The following ESRRB variants were observed in gnomAD, a reference collection of about 807,000 sequenced individuals.
ESRRB encodes steroid hormone receptor ERR2.
ESRRB carries 16 observed loss-of-function variants against 46.0 expected under a neutral mutation model. That is an observed-to-expected ratio of 0.35 (90% CI 0.24 to 0.53). ESRRB has a LOEUF of 0.53. ESRRB is among the 20% of genes least tolerant of loss of function. ESRRB has a pLI of 0.93. For missense variants in ESRRB, 488 were observed against 607.4 expected, an observed-to-expected ratio of 0.80 and a Z score of 2.07; for synonymous variants, 246 against 259.6, an observed-to-expected ratio of 0.95 and a Z score of 0.50.
chr14:76,376,320 C>T lies in ESRRB; in HGVS notation c.-82C>T. On this transcript the variant is annotated 5_prime_UTR_variant, in exon 1 of 7. Transcript: ENST00000644823. This position sits in a 1 kb window ranked among gnomAD's most constrained non-coding sequence, Gnocchi z 4.1. ...CACTGTGCCCTGCCCGGGCTCGCAC[C>T]TTGCCCGTGCCCTTCACTCGCTCTT... 1 of 1,106,434 alleles carries T rather than the reference C, an allele frequency of 9.0e-7. No individual in the cohort carries two copies. The highest frequency in any genetic ancestry group is 1.1e-6 in the Non-Finnish European group (1 of 873,606). The allele number at this position is 1,106,434 out of a possible 1,614,324, so 68.5% of individuals were successfully genotyped here.
intron 1 of ESRRB, among the ~76,000 whole-genome samples, chr14:76,350,669 C>G (rs891524482): frequency 3.9e-5 from 6 of 152,172 alleles, no homozygotes; most frequent in African/African-American, 1.4e-4. Flanking sequence ...CTCTGATGAG[C>G]CAGGTACAAT....
upstream of ESRRB, among the ~76,000 whole-genome samples, chr14:76,367,204 A>T (rs1884532316): frequency 6.6e-6 from 1 of 152,088 alleles, no homozygotes; most frequent in Non-Finnish European, 1.5e-5. Flanking sequence ...CCACCACTGC[A>T]TCCAGCCTCA....
At chr14:76,385,043 T>C (rs1048511503) in intron 1 of ESRRB, among the ~76,000 whole-genome samples, 1 of 152,194 alleles carries the variant, frequency 6.6e-6, no homozygotes, top group Non-Finnish European at 1.5e-5. Flanking sequence ...TACTTTAGAA[T>C]CCATCAATGC....
rs961678988 is a variant in ESRRB, at chr14:76,499,664, GCT to G, written c.*1211_*1212del. Reference sequence around the variant, plus strand: ...TCCCCTGGGCACCGCGAGCACGCCAGCTCTCTGGCAGGACCCCTGCAGTCCCC... The same window carrying G: ...TCCCCTGGGCACCGCGAGCACGCCAGCTCTGGCAGGACCCCTGCAGTCCCC... On this transcript the variant is annotated 3_prime_UTR_variant, in exon 7 of 7. Transcript: ENST00000644823. 31 of 648,548 alleles carry G rather than the reference GCT, an allele frequency of 4.8e-5. No homozygotes were observed. Among genetic ancestry groups the G allele is most frequent in the Admixed American group, 2.0e-4 (9 of 45,078 alleles). 40.2% of individuals were successfully genotyped at this position (648,548 alleles called of 1,614,324 possible).
At chr14:76,497,147 A>G (rs548640945) in intron 6 of ESRRB, among the ~76,000 whole-genome samples, 16 of 152,188 alleles carry the variant, frequency 1.1e-4, no homozygotes, top group African/African-American at 3.4e-4. Flanking sequence ...ACACTCTGTA[A>G]GTGGCCGAGA....
At chr14:76,377,020 C>T (rs918375426) in intron 1 of ESRRB, among the ~76,000 whole-genome samples, 2 of 152,210 alleles carry the variant, frequency 1.3e-5, no homozygotes, top group Non-Finnish European at 2.9e-5. Flanking sequence ...CGTGGCGCGG[C>T]GGATCCAGGG....
intron 2 of ESRRB, among the ~76,000 whole-genome samples, chr14:76,448,638 C>T (rs182271908): frequency 7.9e-5 from 12 of 152,056 alleles, no homozygotes; most frequent in African/African-American, 2.7e-4. Context: ...GCCCAGCCCA[C>T]ATTTACTTCG....
At chr14:76,457,755 C>T (rs773684633) in intron 2 of ESRRB, among the ~76,000 whole-genome samples, 10 of 152,174 alleles carry the variant, frequency 6.6e-5, no homozygotes, top group Non-Finnish European at 1.3e-4. Flanking sequence ...TCTCTGCAAC[C>T]TCTGCCTTCT....
chr14:76,460,868 A>AT (rs34134077), intron 2 of ESRRB, among the ~76,000 whole-genome samples: 1,586 of 143,806 alleles, frequency 0.011, 13 homozygotes, highest in Non-Finnish European at 0.015. Context: ...TGCCCAACTA[A>AT]TTTTTTTTTG....
intron 1 of ESRRB, among the ~76,000 whole-genome samples, chr14:76,379,711 C>T (rs930529436): frequency 1.4e-4 from 21 of 152,066 alleles, no homozygotes; most frequent in Admixed American, 9.2e-4. Flanking sequence ...TGGAGGGCCC[C>T]GGTCCCGGGT....
intron 1 of ESRRB, among the ~76,000 whole-genome samples, chr14:76,320,743 G>A (rs76246215): frequency 0.023 from 3,444 of 152,266 alleles, 118 homozygotes; most frequent in African/African-American, 0.078. Context: ...CATGGGTCAG[G>A]GGTGGTGGTT....
intron 1 of ESRRB, among the ~76,000 whole-genome samples, chr14:76,326,670 G>A (rs956818810): frequency 1.3e-5 from 2 of 152,206 alleles, no homozygotes; most frequent in Admixed American, 6.5e-5. Flanking sequence ...GAGTTTGGCT[G>A]TAGAAGTGGG....
intron 1 of ESRRB, among the ~76,000 whole-genome samples, chr14:76,426,767 A>G (rs778368229): frequency 2.0e-5 from 3 of 152,180 alleles, no homozygotes; most frequent in African/African-American, 7.2e-5. Flanking sequence ...ACACTGGATC[A>G]CACCTGTAAT....
At chr14:76,414,895 G>A (rs1426218536) in intron 1 of ESRRB, among the ~76,000 whole-genome samples, 1 of 152,064 alleles carries the variant, frequency 6.6e-6, no homozygotes, top group Non-Finnish European at 1.5e-5. Flanking sequence ...GCAAGTCCCC[G>A]GCCCTCTCAG....
At chr14:76,474,201 G>A (rs1197788412) in intron 3 of ESRRB, among the ~76,000 whole-genome samples, 8 of 152,304 alleles carry the variant, frequency 5.3e-5, no homozygotes, top group African/African-American at 1.4e-4. Context: ...TACAACTGTG[G>A]GGATGTGTTT....
At chr14:76,449,809 C>T (rs1416478615) in intron 2 of ESRRB, among the ~76,000 whole-genome samples, 1 of 145,566 alleles carries the variant, frequency 6.9e-6, no homozygotes, top group Non-Finnish European at 1.5e-5. Context: ...GCTCTGTTGC[C>T]CAGGCTCAGT....
intron 3 of ESRRB, among the ~76,000 whole-genome samples, chr14:76,467,008 C>G (rs1029288753): frequency 2.6e-5 from 4 of 152,072 alleles, no homozygotes; most frequent in Admixed American, 6.5e-5. Context: ...GCGTGAGCCA[C>G]TGCCCCCAGC....
chr14:76,383,825 G>A (rs1342998206), intron 1 of ESRRB, among the ~76,000 whole-genome samples: 2 of 152,106 alleles, frequency 1.3e-5, no homozygotes, highest in African/African-American at 4.8e-5. Context: ...GCCGCTGGCT[G>A]GCTCACGTTT....
chr14:76,482,059 G>A lies in ESRRB; in HGVS notation c.621G>A (p.Lys207=), dbSNP rs758354881. ...TGCGTGGAGGCCGTCAGAAATACAA[G>A]CGACGGCTGGACTCAGAGAGCAGCC... ...DRVRGGRQKY[K]RRLDSESSPY... is the part of the protein sequence containing the mutation. Residue 207 remains lysine (K), a synonymous_variant, in exon 4 of 7, where the codon AAG becomes AAA. Transcript: ENST00000644823. The surrounding 1 kb of genome is among the most constrained non-coding windows in gnomAD (Gnocchi z 4.3). The A allele has an allele frequency of 1.0e-4, 166 of 1,614,116 alleles. No individual in the cohort carries two copies. The highest frequency in any genetic ancestry group is 1.6e-4 in the Middle Eastern group (1 of 6,084).
Sources: allele counts gnomAD v4.1 joint callset (sites outside exome capture counted in the v4.1 genomes callset), GRCh38; gene constraint gnomAD v4.1.1; non-coding constraint Gnocchi (gnomAD v3.1); transcripts MANE v1.5; gene names NCBI Gene and HGNC (gene_info 2026-07-23, HGNC 2026-07-21).